Variants in PPP2R3C observed in about 807,000 individuals in gnomAD.
The protein encoded by PPP2R3C is protein phosphatase 2 regulatory subunit B''gamma.
A neutral mutation model predicts 63.7 loss-of-function variants in PPP2R3C; 47 were observed. That is an observed-to-expected ratio of 0.74 (90% confidence interval 0.58 to 0.94). The LOEUF (loss-of-function observed/expected upper bound fraction) is 0.94, where lower values mean the gene tolerates loss of function less well. PPP2R3C is among the 40% of genes least tolerant of loss of function. PPP2R3C has a pLI of 0.00. For missense variants in PPP2R3C, 421 were observed against 518.4 expected, an observed-to-expected ratio of 0.81 and a Z score of 1.82; for synonymous variants, 180 against 177.4, an observed-to-expected ratio of 1.01 and a Z score of -0.12.
At chr14:35,088,413 CTGTCT>C (rs1447371065) in intron 11 of PPP2R3C, among the ~76,000 whole-genome samples, 1 of 152,146 alleles carries the variant, frequency 6.6e-6, no homozygotes, top group African/African-American at 2.4e-5. Flanking sequence ...CCCCAATCTA[CTGTCT>C]CCCTTCCTAC....
chr14:35,085,592 A>C lies in PPP2R3C; in HGVS notation c.1360T>G (p.Ter454GlyextTer5). Residue 454 changes from the stop codon to glycine, a stop_lost, in exon 13 of 13, where the codon TGA becomes GGA. Transcript: ENST00000261475. ...AAGACAGTCTAGTCTTTCAGAGATCATGTATCATCAAGGTCTGCAGAGTTT... is the reference window on the plus strand; with the variant it reads ...AAGACAGTCTAGTCTTTCAGAGATCCTGTATCATCAAGGTCTGCAGAGTTT... ...SENSADLDDT[*>G] 1 of 1,602,792 alleles carries C rather than the reference A, an allele frequency of 6.2e-7. No homozygotes were observed. Among genetic ancestry groups the C allele is most frequent in the Non-Finnish European group, 8.5e-7 (1 of 1,175,496 alleles).
chr14:35,085,583 T>G lies in PPP2R3C; in HGVS notation c.*7A>C. 6.3e-7 allele frequency: 1 copy of G among 1,593,934 alleles called. No individual in the cohort carries two copies. Among genetic ancestry groups the G allele is most frequent in the Non-Finnish European group, 8.5e-7 (1 of 1,171,556 alleles). On this transcript the variant is annotated 3_prime_UTR_variant, in exon 13 of 13. Transcript: ENST00000261475. ...TCATAATATAAGACAGTCTAGTCTT[T>G]CAGAGATCATGTATCATCAAGGTCT...
chr14:35,118,935 A>C (rs2046782137), intron 1 of PPP2R3C, among the ~76,000 whole-genome samples: 2 of 151,772 alleles, frequency 1.3e-5, no homozygotes, highest in African/African-American at 2.4e-5. Context: ...TACAGGCATG[A>C]GCCACTGCGC....
At chr14:35,094,463 C>G (rs1473701212) in intron 10 of PPP2R3C, among the ~76,000 whole-genome samples, 1 of 148,882 alleles carries the variant, frequency 6.7e-6, no homozygotes, top group Non-Finnish European at 1.5e-5. Flanking sequence ...GCTACCAAGC[C>G]TGGCCTCAGC....
At chr14:35,091,049 A>C (rs1190602405) in intron 11 of PPP2R3C, 21 bp downstream of exon 11, 1 of 1,586,976 alleles carries the variant, frequency 6.3e-7, no homozygotes, top group Non-Finnish European at 8.6e-7. Context: ...ACAATGACTC[A>C]CTTATGCAAA....
At chr14:35,087,870 T>C in intron 12 of PPP2R3C, 81 bp downstream of exon 12, 1 of 1,081,512 alleles carries the variant, frequency 9.2e-7, no homozygotes, top group Non-Finnish European at 1.4e-6. Context: ...CTTCATTAGT[T>C]GCTTTCATAT....
At chr14:35,106,778 C>T (rs2046377564) in intron 6 of PPP2R3C, among the ~76,000 whole-genome samples, 1 of 151,258 alleles carries the variant, frequency 6.6e-6, no homozygotes, top group Non-Finnish European at 1.5e-5. Context: ...AGTGATTCTC[C>T]TGCCTCAGCC....
chr14:35,107,423 G>C, intron 5 of PPP2R3C, 49 bp from the exon 6 acceptor site: 1 of 1,455,764 alleles, frequency 6.9e-7, no homozygotes, highest in African/African-American at 1.4e-5. Context: ...CTATCCTTCA[G>C]ATATGAAAAA....
At chr14:35,119,997 G>C (rs868607412) in intron 1 of PPP2R3C, among the ~76,000 whole-genome samples, 1 of 151,528 alleles carries the variant, frequency 6.6e-6, no homozygotes, top group African/African-American at 2.4e-5. Flanking sequence ...GACTACAGGC[G>C]CCCGCCACCG....
At chr14:35,111,767 A>G (rs1371032912) in intron 2 of PPP2R3C, among the ~76,000 whole-genome samples, 1 of 152,066 alleles carries the variant, frequency 6.6e-6, no homozygotes, top group East Asian at 1.9e-4. Flanking sequence ...CCAGAAGCAG[A>G]CTCAGCACGC....
At chr14:35,090,754 C>T (rs1272640619) in intron 11 of PPP2R3C, among the ~76,000 whole-genome samples, 12 of 126,994 alleles carry the variant, frequency 9.4e-5, no homozygotes, top group Admixed American at 5.7e-4. Context: ...CTCGCTCTGT[C>T]GCCCAGGCTG....
chr14:35,101,860 TC>T (rs1428786176), intron 6 of PPP2R3C: 1 of 152,124 alleles, frequency 6.6e-6, no homozygotes, highest in Non-Finnish European at 1.5e-5. Flanking sequence ...TTCAGGTATT[TC>T]CCCCAGTTTG....
rs2045655504 is a variant in PPP2R3C at position 35,087,702 on chromosome 14, CT to C, written c.1173+248del. 1.2e-5 allele frequency: 5 copies of C among 421,400 alleles called. No individual in the cohort carries two copies. The South Asian group carries it at 1.3e-4, about 11-fold the overall frequency. The allele number at this position is 421,400 out of a possible 1,614,324, so 26.1% of individuals were successfully genotyped here. The stretch of plus-strand genomic sequence containing the variant: ...AGCATGAGCCACTGAGCCCGGCCCC[CT>C]GACTGTCTTAATTAAAATGAATGAA... On this transcript the variant is annotated intron_variant, in intron 12 of 12. Coordinates refer to ENST00000261475, the MANE Select transcript of PPP2R3C (RefSeq NM_017917.4).
chr14:35,115,265 C>T (rs534870631), intron 2 of PPP2R3C, among the ~76,000 whole-genome samples: 3 of 149,894 alleles, frequency 2.0e-5, no homozygotes, highest in Non-Finnish European at 4.4e-5. Flanking sequence ...TGAGCTCAAG[C>T]GATCCTTCCA....
intron 10 of PPP2R3C, among the ~76,000 whole-genome samples, chr14:35,092,712 C>A (rs2045862478): frequency 6.6e-6 from 1 of 151,560 alleles, no homozygotes; most frequent in Non-Finnish European, 1.5e-5. Flanking sequence ...GGTGATCCAC[C>A]CACCTCGGCC....
chr14:35,088,656 T>C (rs1174205613), intron 11 of PPP2R3C, among the ~76,000 whole-genome samples: 1 of 152,234 alleles, frequency 6.6e-6, no homozygotes, highest in Non-Finnish European at 1.5e-5. Context: ...AGAGTATCCA[T>C]AAAGGAATCC....
At chr14:35,119,039 C>CTTT (rs34769087) in intron 1 of PPP2R3C, among the ~76,000 whole-genome samples, 3 of 135,064 alleles carry the variant, frequency 2.2e-5, no homozygotes, top group Non-Finnish European at 3.2e-5. Flanking sequence ...GATCAAATGA[C>CTTT]TTTTTTTTTT....
intron 1 of PPP2R3C, among the ~76,000 whole-genome samples, chr14:35,119,359 AG>A (rs1308701297): frequency 1.3e-5 from 2 of 151,482 alleles, no homozygotes; most frequent in African/African-American, 2.4e-5. Flanking sequence ...TTTTTAAGAC[AG>A]GGTCTGGCTC....
At chr14:35,091,824 G>A (rs1027777140) in intron 10 of PPP2R3C, among the ~76,000 whole-genome samples, 3 of 151,222 alleles carry the variant, frequency 2.0e-5, no homozygotes, top group Admixed American at 1.3e-4. Context: ...AGGTTCAAGC[G>A]ATTCTCCTGT....
Sources: allele counts gnomAD v4.1 joint callset (sites outside exome capture counted in the v4.1 genomes callset), GRCh38; gene constraint gnomAD v4.1.1; transcripts MANE v1.5; gene names NCBI Gene and HGNC (gene_info 2026-07-23, HGNC 2026-07-21).